Variants in RHBDL2 observed in about 807,000 individuals in gnomAD.
RHBDL2 encodes rhomboid like 2, also known as rhomboid-related protein 2.
Under a neutral mutation model 31.7 loss-of-function variants are expected in RHBDL2, and 26 were observed. That is an observed-to-expected ratio of 0.82 (90% CI 0.60 to 1.14). The LOEUF (loss-of-function observed/expected upper bound fraction) is 1.14. RHBDL2 is among the 50% of genes most tolerant of loss of function. The probability of loss-of-function intolerance (pLI) is 0.00; values close to 1 mark genes in which losing one functional copy is unlikely to be tolerated. For synonymous variants in RHBDL2, 123 were observed against 127.2 expected (o/e 0.97, Z 0.22); for missense variants, 336 against 364.4 (o/e 0.92, Z 0.63).
intron 3 of RHBDL2, among the ~76,000 whole-genome samples, chr1:38,912,963 C>CGTGTGTGTGTGTGT (rs146456884): frequency 8.9e-6 from 1 of 112,284 alleles, no homozygotes; most frequent in African/African-American, 3.9e-5. Context: ...TACATATACA[C>CGTGTGTGTGTGTGT]GTGTGTGTGT....
At chr1:38,940,635 G>A (rs1236373702) in intron 1 of RHBDL2, among the ~76,000 whole-genome samples, 1 of 152,130 alleles carries the variant, frequency 6.6e-6, no homozygotes, top group Non-Finnish European at 1.5e-5. Context: ...GGAGAGGCAT[G>A]GCAAGAAGGC....
rs763716779 is a variant in RHBDL2, at chr1:38,912,900, ATATATATATATGTGTGTGTGTGTGTG to A, written c.396-1492_396-1467del. ...CCATATACCATATATATATATATAT[ATATATATATATGTGTGTGTGTGTGTG>A]TGTGTGTGTGTGTGTGTGTGTGTAT... On this transcript the variant is annotated intron_variant, in intron 3 of 7. Coordinates refer to ENST00000372990, the MANE Select transcript of RHBDL2 (RefSeq NM_017821.5). Among the ~76,000 whole-genome samples, 491 of 98,492 alleles carry A rather than the reference ATATATATATATGTGTGTGTGTGTGTG, an allele frequency of 5.0e-3. 3 individuals are homozygous for A. Among genetic ancestry groups the A allele is most frequent in the South Asian group, 0.019 (64 of 3,344 alleles). The allele number at this position is 98,492 out of a possible 152,430, so 64.6% of individuals were successfully genotyped here. A position where few individuals can be genotyped will look rare whatever the true frequency, so the allele number is the denominator to read the frequency against.
chr1:38,933,726 A>AT lies in RHBDL2; in HGVS notation c.-126+7955dup, dbSNP rs10579780. On this transcript the variant is annotated intron_variant, in intron 1 of 7. Transcript: ENST00000372990. ...GTGTCATACCTCACAGGTCTTCACA[A>AT]TTTTTTTTTTTTTTTTTTTTGAGAC... 7.1e-3 allele frequency among the ~76,000 whole-genome samples: 967 copies of AT among 135,292 alleles called. 12 individuals are homozygous for AT. Among genetic ancestry groups the AT allele is most frequent in the African/African-American group, 0.025 (927 of 36,510 alleles). The allele number at this position is 135,292 out of a possible 152,430, so 88.8% of individuals were successfully genotyped here. A position where few individuals can be genotyped will look rare whatever the true frequency, so the allele number is the denominator to read the frequency against.
In RHBDL2 at chr1:38,886,469, G is replaced by T; in HGVS notation, c.*35C>A. On this transcript the variant is annotated 3_prime_UTR_variant, in exon 8 of 8. Coordinates refer to ENST00000372990, the MANE Select transcript of RHBDL2 (RefSeq NM_017821.5). ...CTTTTTTTTTTATTTCCTCCAGATG[G>T]CTCTTTTTATTAATTGACTTACAAT... 2 of 1,405,916 alleles carry T rather than the reference G, an allele frequency of 1.4e-6. No individual in the cohort carries two copies. The highest frequency in any genetic ancestry group is 2.4e-5 in the Admixed American group (1 of 41,116). The allele number at this position is 1,405,916 out of a possible 1,614,324, so 87.1% of individuals were successfully genotyped here.
intron 1 of RHBDL2, among the ~76,000 whole-genome samples, chr1:38,928,662 T>A (rs1643406316): frequency 6.7e-6 from 1 of 148,772 alleles, no homozygotes; most frequent in Non-Finnish European, 1.5e-5. Flanking sequence ...GTCAGGCTGA[T>A]CTCGAACTCC....
At chr1:38,917,830 C>G (rs1008726242) in intron 2 of RHBDL2, among the ~76,000 whole-genome samples, 2 of 152,196 alleles carry the variant, frequency 1.3e-5, no homozygotes, top group African/African-American at 4.8e-5. Context: ...CTTAGCTAGG[C>G]TATGCTACCC....
chr1:38,916,420 T>C (rs773758049), intron 2 of RHBDL2, among the ~76,000 whole-genome samples: 2 of 152,134 alleles, frequency 1.3e-5, no homozygotes, highest in Non-Finnish European at 2.9e-5. Context: ...GGAGCCTGGG[T>C]AGACATGGCA....
At chr1:38,935,357 G>A (rs1194396044) in intron 1 of RHBDL2, among the ~76,000 whole-genome samples, 1 of 152,208 alleles carries the variant, frequency 6.6e-6, no homozygotes, top group African/African-American at 2.4e-5. Flanking sequence ...AAGCTCTTAA[G>A]TTTAATATAG....
At position 38,886,683 on chromosome 1, in the gene RHBDL2, C is replaced by T. The variant is rs1021245587; in HGVS notation, c.733G>A (p.Val245Met). The T allele has an allele frequency of 6.5e-7, 1 of 1,533,302 alleles. No individual in the cohort carries two copies. Among genetic ancestry groups the T allele is most frequent in the African/African-American group, 1.4e-5 (1 of 72,554 alleles). The allele number at this position is 1,533,302 out of a possible 1,614,324, so 95.0% of individuals were successfully genotyped here. ...RFFVPEDGSP[V>M]SFAAHIAGGF... ...CCTGCAATGTGAGCTGCAAAAGACA[C>T]CTTGGGAGAAAAGGAGGGAAAATGG... Residue 245 changes from valine to methionine, a missense_variant and splice_region_variant, in exon 8 of 8, where the codon GTG (valine) becomes ATG (methionine). By Grantham distance (21) the Val-to-Met change is conservative (BLOSUM62 1). Transcript: ENST00000372990.
At chr1:38,915,867 C>T (rs1269243149) in intron 2 of RHBDL2, among the ~76,000 whole-genome samples, 157 bp from the exon 3 acceptor site, 1 of 152,148 alleles carries the variant, frequency 6.6e-6, no homozygotes, top group Non-Finnish European at 1.5e-5. Context: ...TCACCATCCC[C>T]TCTGTGATGG....
chr1:38,892,488 G>A (rs184067491), intron 6 of RHBDL2, among the ~76,000 whole-genome samples: 2 of 152,208 alleles, frequency 1.3e-5, no homozygotes, highest in East Asian at 3.9e-4. Flanking sequence ...CATCACGTAG[G>A]CATGTCTAAG....
chr1:38,901,367 CAGG>C (rs1282318500), intron 4 of RHBDL2, among the ~76,000 whole-genome samples: 1 of 148,246 alleles, frequency 6.7e-6, no homozygotes, highest in Non-Finnish European at 1.5e-5. Flanking sequence ...GAGGCCGAGA[CAGG>C]AGAATTGCTT....
intron 4 of RHBDL2, among the ~76,000 whole-genome samples, chr1:38,897,140 G>A (rs368679907): frequency 2.3e-4 from 34 of 149,208 alleles, no homozygotes; most frequent in Middle Eastern, 3.4e-3. Context: ...CCACTCTGTC[G>A]CCCAGGCTGG....
At chr1:38,929,665 C>A in intron 1 of RHBDL2, 1 of 825,292 alleles carries the variant, frequency 1.2e-6, no homozygotes, top group Non-Finnish European at 1.5e-6. Flanking sequence ...TGGGTGTAGC[C>A]AATTGCTGCC....
Position 38,892,144 on chromosome 1 carries a change from T to A in RHBDL2, c.670+1020A>T, listed in dbSNP as rs1044912409. Among the ~76,000 whole-genome samples, 10 of 152,326 alleles carry A rather than the reference T, an allele frequency of 6.6e-5. No individual in the cohort carries two copies. In the South Asian group the frequency reaches 2.1e-3, roughly 32 times the overall value. Reference sequence around the variant, plus strand: ...ATTTCAAAAGCCACATTAGTCACCCTCTTGGTCTGGGCTTCTTGAACGGTT... The same window carrying A: ...ATTTCAAAAGCCACATTAGTCACCCACTTGGTCTGGGCTTCTTGAACGGTT... On this transcript the variant is annotated intron_variant, in intron 6 of 7. Coordinates refer to ENST00000372990, the MANE Select transcript of RHBDL2 (RefSeq NM_017821.5).
At chr1:38,940,887 C>T (rs948298095) in intron 1 of RHBDL2, among the ~76,000 whole-genome samples, 3 of 151,998 alleles carry the variant, frequency 2.0e-5, no homozygotes, top group Non-Finnish European at 4.4e-5. Flanking sequence ...GTAGCAAGAC[C>T]CTGTCTCTTT....
At chr1:38,888,089 T>C in intron 6 of RHBDL2, 65 bp from the exon 7 acceptor site, 1 of 1,053,370 alleles carries the variant, frequency 9.5e-7, no homozygotes, top group Non-Finnish European at 1.4e-6. Context: ...ATGTTTTTGG[T>C]TCCCCTCTAA....
intron 7 of RHBDL2, among the ~76,000 whole-genome samples, chr1:38,887,751 A>G (rs1020422954): frequency 2.6e-5 from 4 of 152,162 alleles, no homozygotes; most frequent in African/African-American, 9.7e-5. Context: ...ATAGCTACCA[A>G]TATGGCAGGT....
intron 4 of RHBDL2, among the ~76,000 whole-genome samples, chr1:38,904,420 C>T (rs1260686922): frequency 6.6e-6 from 1 of 151,362 alleles, no homozygotes; most frequent in African/African-American, 2.4e-5. Context: ...TGCAGTGAGC[C>T]GAGATTGCGC....
Sources: gnomAD v4.1 joint callset for allele counts (sites outside exome capture counted in the v4.1 genomes callset) on GRCh38, gnomAD v4.1.1 for gene constraint, MANE v1.5 for transcripts, NCBI Gene and HGNC (gene_info 2026-07-23, HGNC 2026-07-21) for gene names.